Variants in MYO5A observed in about 807,000 individuals in gnomAD.
MYO5A encodes unconventional myosin-Va.
A neutral mutation model predicts 249.7 loss-of-function variants in MYO5A; 98 were observed. The ratio of observed to expected loss-of-function variants is 0.39; its 90% confidence interval spans 0.33 to 0.46. MYO5A has a LOEUF of 0.46. Among genes scored for constraint, MYO5A ranks in the 20% least tolerant of loss-of-function variants. The pLI, the probability that MYO5A is intolerant of heterozygous loss-of-function variation, is 0.98. For missense variants in MYO5A, 1,696 were observed against 2,308.8 expected (o/e 0.73, Z 5.44); for synonymous variants, 778 against 810.6 (o/e 0.96, Z 0.68).
At chr15:52,392,257 T>C (rs1004470017) in intron 11 of MYO5A, among the ~76,000 whole-genome samples, 187 bp from the exon 12 acceptor site, 3 of 152,210 alleles carry the variant, frequency 2.0e-5, no homozygotes, top group Non-Finnish European at 4.4e-5. Flanking sequence ...GTAGGATTCT[T>C]GGTAAACAAG....
intron 1 of MYO5A, among the ~76,000 whole-genome samples, chr15:52,480,001 T>C (rs745753969): frequency 6.6e-6 from 1 of 152,226 alleles, no homozygotes; most frequent in Non-Finnish European, 1.5e-5. Context: ...GTAAAGATTA[T>C]GTAAAGAGGT....
At chr15:52,507,080 C>T (rs1446557631) in intron 1 of MYO5A, among the ~76,000 whole-genome samples, 1 of 152,158 alleles carries the variant, frequency 6.6e-6, no homozygotes, top group African/African-American at 2.4e-5. Flanking sequence ...GGTTATATCA[C>T]ATTAGCCAGA....
At chr15:52,477,987 T>C (rs1440935203) in intron 1 of MYO5A, among the ~76,000 whole-genome samples, 1 of 152,212 alleles carries the variant, frequency 6.6e-6, no homozygotes, top group Non-Finnish European at 1.5e-5. Flanking sequence ...TGCCTTTTGT[T>C]CAGCTATGCC....
intron 36 of MYO5A, among the ~76,000 whole-genome samples, chr15:52,326,819 T>C (rs1308602752): frequency 1.3e-5 from 2 of 152,196 alleles, no homozygotes; most frequent in Non-Finnish European, 2.9e-5. Flanking sequence ...CTAAAAGCTC[T>C]CGTTAAGTTT....
At chr15:52,510,777 C>A (rs2077374104) in intron 1 of MYO5A, among the ~76,000 whole-genome samples, 1 of 152,254 alleles carries the variant, frequency 6.6e-6, no homozygotes, top group African/African-American at 2.4e-5. Flanking sequence ...TTCCATGAAA[C>A]TGGTCCCTGG....
chr15:52,322,702 T>C (rs1395620453), intron 37 of MYO5A, among the ~76,000 whole-genome samples: 1 of 151,874 alleles, frequency 6.6e-6, no homozygotes, highest in African/African-American at 2.4e-5. Context: ...AATGAACATA[T>C]CCCCACAAAC....
chr15:52,525,401 T>C (rs990368588), intron 1 of MYO5A, among the ~76,000 whole-genome samples: 2 of 152,228 alleles, frequency 1.3e-5, no homozygotes, highest in African/African-American at 4.8e-5. Flanking sequence ...AAAATGTTTA[T>C]ACTGCTGGAA....
Position 52,379,927 on chromosome 15 carries a change from GC to G in MYO5A, c.2013-20del. Reference sequence around the variant, plus strand: ...ATCAAACCTACAAATAAAAATCAAAGCTGTTAGTCCACAAAGAACCTGGCTG... The same window carrying G: ...ATCAAACCTACAAATAAAAATCAAAGTGTTAGTCCACAAAGAACCTGGCTG... On this transcript the variant is annotated intron_variant, in intron 16 of 41. Transcript: ENST00000399233. 6.2e-7 allele frequency: 1 copy of G among 1,613,384 alleles called. No individual in the cohort carries two copies. Among genetic ancestry groups the G allele is most frequent in the Non-Finnish European group, 8.5e-7 (1 of 1,179,498 alleles).
chr15:52,435,478 C>T (rs1447245139), intron 1 of MYO5A, among the ~76,000 whole-genome samples: 1 of 152,020 alleles, frequency 6.6e-6, no homozygotes, highest in Admixed American at 6.6e-5. Flanking sequence ...AGGGTTTCAC[C>T]GTGTTAGCCA....
intron 1 of MYO5A, among the ~76,000 whole-genome samples, chr15:52,459,174 T>TTTTTTTTTTTA (rs869125569): frequency 1.5e-5 from 2 of 131,172 alleles, no homozygotes; most frequent in African/African-American, 5.9e-5. Flanking sequence ...TTTTTTTTTT[T>TTTTTTTTTTTA]AGTATTTATT....
At chr15:52,497,970 A>G (rs999058108) in intron 1 of MYO5A, among the ~76,000 whole-genome samples, 2 of 152,154 alleles carry the variant, frequency 1.3e-5, no homozygotes, top group African/African-American at 4.8e-5. Flanking sequence ...AGGGAAATTT[A>G]CATCCTTAAA....
chr15:52,443,412 A>G (rs529208833), intron 1 of MYO5A, among the ~76,000 whole-genome samples: 3 of 152,364 alleles, frequency 2.0e-5, no homozygotes, highest in African/African-American at 7.2e-5. Context: ...TGACTCTGCA[A>G]GTTACCTTGC....
In MYO5A at chr15:52,340,293, T is replaced by C; in HGVS notation, c.4142A>G (p.Gln1381Arg). 1 of 1,614,104 alleles carries C rather than the reference T, an allele frequency of 6.2e-7. No individual in the cohort carries two copies. Among genetic ancestry groups the C allele is most frequent in the Non-Finnish European group, 8.5e-7 (1 of 1,180,024 alleles). ...IQSLKEENNR[Q>R]QQLLAQNLQL... Reference sequence around the variant, plus strand: ...CAGGTTCTGGGCCAGCAGCTGCTGCTGTCGGTTGTTCTCCTCCTTCAGGCT... The same window carrying C: ...CAGGTTCTGGGCCAGCAGCTGCTGCCGTCGGTTGTTCTCCTCCTTCAGGCT... Residue 1381 changes from glutamine to arginine, a missense_variant, in exon 32 of 42, where the codon CAG becomes CGG. Coordinates refer to ENST00000399233, the MANE Select transcript of MYO5A (RefSeq NM_001382347.1).
At chr15:52,437,594 C>CAAAAA (rs57299562) in intron 1 of MYO5A, among the ~76,000 whole-genome samples, 7 of 73,896 alleles carry the variant, frequency 9.5e-5, no homozygotes, top group African/African-American at 2.0e-4. Context: ...GACTCCATCT[C>CAAAAA]AAAAAAAAAA....
chr15:52,407,466 C>T (rs1323125517), intron 7 of MYO5A, 67 bp from the exon 8 acceptor site: 1 of 1,130,196 alleles, frequency 8.8e-7, no homozygotes, highest in Admixed American at 1.8e-5. Flanking sequence ...CTTATGTCCA[C>T]TCTGAATCAG....
At chr15:52,465,203 C>CT (rs2076328902) in intron 1 of MYO5A, among the ~76,000 whole-genome samples, 1 of 152,156 alleles carries the variant, frequency 6.6e-6, no homozygotes, top group Admixed American at 6.5e-5. Context: ...GCTGAGACAC[C>CT]TTAAGCAAAA....
rs2042260782 is a variant in MYO5A at position 52,392,070 on chromosome 15, G to A, written c.1402C>T (p.His468Tyr). Residue 468 changes from histidine (H) to tyrosine (Y), a missense_variant and splice_region_variant, in exon 12 of 42, where the codon CAT (histidine) becomes TAT (tyrosine). By Grantham distance (83) the His-to-Tyr change is moderately conservative. Around this residue, in one of 5 missense-constraint regions of MYO5A, gnomAD observed 277 missense variants for 422.4 expected, o/e 0.66. Coordinates refer to ENST00000399233, the MANE Select transcript of MYO5A (RefSeq NM_001382347.1). ...NEKLQQQFNM[H>Y]VFKLEQEEYM... Reference sequence around the variant, plus strand: ...TCTTCTTGCTCCAATTTGAAGACATGCTGAAATGAAAAAGAAAAAAAGCAG... The same window carrying A: ...TCTTCTTGCTCCAATTTGAAGACATACTGAAATGAAAAAGAAAAAAAGCAG... 1.2e-6 allele frequency: 2 copies of A among 1,609,524 alleles called. No individual in the cohort carries two copies. Among genetic ancestry groups the A allele is most frequent in the Admixed American group, 1.7e-5 (1 of 59,968 alleles).
chr15:52,522,316 A>T (rs2077639856), intron 1 of MYO5A, among the ~76,000 whole-genome samples: 1 of 152,184 alleles, frequency 6.6e-6, no homozygotes, highest in African/African-American at 2.4e-5. Flanking sequence ...GTACACTTAA[A>T]ATGAGGGACT....
intron 10 of MYO5A, among the ~76,000 whole-genome samples, chr15:52,396,837 A>C (rs1264089121): frequency 6.6e-6 from 1 of 152,238 alleles, no homozygotes; most frequent in Non-Finnish European, 1.5e-5. Flanking sequence ...AGTATGAAAC[A>C]GGCACAAATA....
Sources: allele counts gnomAD v4.1 joint callset (sites outside exome capture counted in the v4.1 genomes callset), GRCh38; gene constraint gnomAD v4.1.1; regional missense constraint gnomAD v4.1.1; transcripts MANE v1.5; gene names NCBI Gene and HGNC (gene_info 2026-07-23, HGNC 2026-07-21).